SLC9D1: variants seen among roughly 807,000 people sequenced by gnomAD.
SLC9D1 encodes putative LAG1-interacting protein.
At chr13:113,544,257 T>TGCTTCTGAGTCGAGGCTGC in the SLC9D1 span, among the ~76,000 whole-genome samples, 9 of 152,192 alleles carry the variant, frequency 5.9e-5, no homozygotes, top group Non-Finnish European at 1.0e-4. Flanking sequence ...GCCCAGGCTG[T>TGCTTCTGAGTCGAGGCTGC]GCTTCTGAGT....
At chr13:113,539,431 C>G in the SLC9D1 span, 1 of 1,613,690 alleles carries the variant, frequency 6.2e-7, no homozygotes, top group Non-Finnish European at 8.5e-7. The surrounding 1 kb of genome is among the most constrained non-coding windows in gnomAD (Gnocchi z 4.8). Flanking sequence ...CTCAGGGCCC[C>G]GTGGTCACCG....
the SLC9D1 span, among the ~76,000 whole-genome samples, chr13:113,497,323 C>T: frequency 6.6e-6 from 1 of 150,686 alleles, no homozygotes; most frequent in African/African-American, 2.5e-5. Flanking sequence ...GTGTGCAAGA[C>T]CTGCAGCTGT....
the SLC9D1 span, chr13:113,527,629 T>C: frequency 6.6e-6 from 1 of 152,272 alleles, no homozygotes; most frequent in Non-Finnish European, 1.5e-5. Context: ...TCAGAAATTG[T>C]ATTACCATAC....
the SLC9D1 span, among the ~76,000 whole-genome samples, chr13:113,497,593 G>A: frequency 6.6e-6 from 1 of 150,888 alleles, no homozygotes; most frequent in African/African-American, 2.4e-5. Flanking sequence ...ACCTGCAGCT[G>A]TGTGAGACCT....
At chr13:113,511,528 C>T in the SLC9D1 span, among the ~76,000 whole-genome samples, 1 of 152,238 alleles carries the variant, frequency 6.6e-6, no homozygotes, top group Non-Finnish European at 1.5e-5. Context: ...AAATCTGCGG[C>T]TTTCTGCGGG....
At chr13:113,520,502 A>AG in the SLC9D1 span, 2 of 716,142 alleles carry the variant, frequency 2.8e-6, no homozygotes, top group Admixed American at 2.6e-5. Context: ...AAAAAAAAAA[A>AG]GTAAAGTGCC....
the SLC9D1 span, chr13:113,495,559 G>A: frequency 1.3e-5 from 20 of 1,512,580 alleles, no homozygotes; most frequent in Non-Finnish European, 1.7e-5. Context: ...GGATTGCTGT[G>A]CCCTGCCCTC....
the SLC9D1 span, among the ~76,000 whole-genome samples, chr13:113,519,188 T>G: frequency 6.6e-6 from 1 of 151,940 alleles, no homozygotes; most frequent in East Asian, 1.9e-4. Flanking sequence ...GGACTGCAGG[T>G]GCCCGCCACC....
chr13:113,536,460 G>T, the SLC9D1 span: 4 of 530,508 alleles, frequency 7.5e-6, no homozygotes, highest in African/African-American at 8.3e-5. Context: ...TGGTTGTAGT[G>T]ATTTTAACTA....
chr13:113,509,171 G>T, the SLC9D1 span, among the ~76,000 whole-genome samples: 1 of 148,554 alleles, frequency 6.7e-6, no homozygotes. Flanking sequence ...GGGGCTGGCG[G>T]GCTTGGCAGG....
chr13:113,528,677 T>C, the SLC9D1 span: 2 of 152,130 alleles, frequency 1.3e-5, no homozygotes, highest in Admixed American at 1.3e-4. Flanking sequence ...AGGCAGTGGT[T>C]AGAGTTCACT....
At chr13:113,516,644 G>A in the SLC9D1 span, among the ~76,000 whole-genome samples, 1 of 152,076 alleles carries the variant, frequency 6.6e-6, no homozygotes, top group East Asian at 1.9e-4. Context: ...GAGCTTAAAG[G>A]TGTTAGCTCT....
chr13:113,508,530 G>A, the SLC9D1 span, among the ~76,000 whole-genome samples: 1 of 152,224 alleles, frequency 6.6e-6, no homozygotes, highest in Non-Finnish European at 1.5e-5. Flanking sequence ...TCAGAGGCAG[G>A]CTTTGTGGGA....
the SLC9D1 span, chr13:113,528,244 T>C: frequency 1.4e-4 from 22 of 152,186 alleles, no homozygotes; most frequent in African/African-American, 5.1e-4. Flanking sequence ...GTGTGTTTAT[T>C]AGGAGGCTTT....
At chr13:113,530,287 G>A in the SLC9D1 span, 2 of 152,126 alleles carry the variant, frequency 1.3e-5, no homozygotes, top group African/African-American at 2.4e-5. Flanking sequence ...CATGGATTGT[G>A]GTAATAGTTG....
the SLC9D1 span, among the ~76,000 whole-genome samples, chr13:113,545,561 C>T: frequency 6.6e-6 from 1 of 152,200 alleles, no homozygotes; most frequent in Admixed American, 6.5e-5. Context: ...TTGGCTCACT[C>T]CCCCCACCCC....
At chr13:113,536,431 G>C in the SLC9D1 span, 322 of 309,330 alleles carry the variant, frequency 1.0e-3, 3 homozygotes, top group East Asian at 0.039. Flanking sequence ...AAACCTGGGA[G>C]GAAATTATGA....
At chr13:113,505,264 T>G in the SLC9D1 span, 1 of 152,204 alleles carries the variant, frequency 6.6e-6, no homozygotes, top group Non-Finnish European at 1.5e-5. Flanking sequence ...TTGTACACTC[T>G]TTTTGGAGAG....
chr13:113,521,090 T>C, the SLC9D1 span, among the ~76,000 whole-genome samples: 3 of 152,116 alleles, frequency 2.0e-5, no homozygotes, highest in African/African-American at 7.2e-5. Flanking sequence ...TCTGTATGCA[T>C]GTGTATGTGT....
Sources: allele counts gnomAD v4.1 joint callset (sites outside exome capture counted in the v4.1 genomes callset), GRCh38; gene constraint gnomAD v4.1.1; non-coding constraint Gnocchi (gnomAD v3.1); transcripts MANE v1.5; gene names NCBI Gene and HGNC (gene_info 2026-07-23, HGNC 2026-07-21).